ROBO2: variants seen among roughly 807,000 people sequenced by gnomAD.
ROBO2 encodes roundabout guidance receptor 2, also known as roundabout homolog 2.
In ROBO2, 53 loss-of-function variants were observed where a neutral mutation model predicts 160.8. The observed-to-expected ratio is 0.33, with a 90% CI of 0.26 to 0.41. The LOEUF (loss-of-function observed/expected upper bound fraction) is 0.41. Among genes scored for constraint, ROBO2 ranks in the 10% least tolerant of loss-of-function variants. ROBO2 has a pLI of 1.00. For synonymous variants in ROBO2, 664 were observed against 611.7 expected, an observed-to-expected ratio of 1.09 and a Z score of -1.26; for missense variants, 1,577 against 1,722.4, an observed-to-expected ratio of 0.92 and a Z score of 1.49.
At chr3:76,310,425 C>T (rs1308787895) in intron 2 of ROBO2, among the ~76,000 whole-genome samples, 1 of 152,022 alleles carries the variant, frequency 6.6e-6, no homozygotes, top group Non-Finnish European at 1.5e-5. Flanking sequence ...ACAGGAACGC[C>T]GAAATAAACT....
intron 2 of ROBO2, among the ~76,000 whole-genome samples, chr3:75,962,983 T>C (rs1395715599): frequency 6.6e-6 from 1 of 151,806 alleles, no homozygotes; most frequent in East Asian, 2.0e-4. Flanking sequence ...CCTTCAGGTC[T>C]TTCACCTGAG....
intron 2 of ROBO2, among the ~76,000 whole-genome samples, chr3:76,097,781 C>A (rs992528611): frequency 1.3e-5 from 2 of 152,034 alleles, no homozygotes; most frequent in African/African-American, 4.8e-5. Context: ...GTTTTGCTTC[C>A]CCACTTTTTC....
chr3:77,025,114 A>G (rs1270821785), intron 2 of ROBO2, among the ~76,000 whole-genome samples: 1 of 152,180 alleles, frequency 6.6e-6, no homozygotes, highest in Non-Finnish European at 1.5e-5. Context: ...GGTGAGGTCT[A>G]AGGGAAGTCA....
intron 2 of ROBO2, among the ~76,000 whole-genome samples, chr3:77,253,539 C>T (rs545098016): frequency 3.9e-5 from 6 of 152,166 alleles, no homozygotes; most frequent in African/African-American, 1.4e-4. Context: ...GTGTCTGTCC[C>T]AATGTGAAAC....
chr3:77,316,404 G>A (rs575261125), intron 2 of ROBO2, among the ~76,000 whole-genome samples: 3 of 152,198 alleles, frequency 2.0e-5, no homozygotes, highest in East Asian at 1.9e-4. Flanking sequence ...ACCAAGGTTC[G>A]ATTCTCAGGA....
At chr3:77,186,145 C>T (rs994855948) in intron 2 of ROBO2, among the ~76,000 whole-genome samples, 16 of 151,710 alleles carry the variant, frequency 1.1e-4, no homozygotes, top group Non-Finnish European at 2.2e-4. Flanking sequence ...GCTCATGTAA[C>T]CGAACACCAT....
chr3:77,570,041 TGCCTTTTCTATCTTTCAGTACCCTTGA>T (rs1046887946), intron 13 of ROBO2, among the ~76,000 whole-genome samples: 7 of 152,004 alleles, frequency 4.6e-5, no homozygotes, highest in Admixed American at 1.3e-4. Context: ...TTATCTGCCA[TGCCTTTTCTATCTTTCAGTACCCTTGA>T]GTAGATACAA....
chr3:77,375,863 A>C (rs1029593826), intron 2 of ROBO2, among the ~76,000 whole-genome samples: 2 of 149,304 alleles, frequency 1.3e-5, no homozygotes, highest in African/African-American at 4.8e-5. Flanking sequence ...AATAGTACTG[A>C]AGTGCTCAGT....
intron 1 of ROBO2, among the ~76,000 whole-genome samples, chr3:75,908,908 T>G (rs1946454462): frequency 6.6e-6 from 1 of 152,206 alleles, no homozygotes; most frequent in Non-Finnish European, 1.5e-5. Context: ...AGGCCACATT[T>G]AGCTGTGTTT....
At chr3:77,039,941 G>T (rs1054890461) in exon 1 of ROBO2, 13 of 228,568 alleles carry the variant, frequency 5.7e-5, no homozygotes, top group Non-Finnish European at 8.7e-5. Flanking sequence ...TCTCCGCCGC[G>T]CCCGGGCTGG....
chr3:76,524,963 A>G (rs1300769883), intron 2 of ROBO2, among the ~76,000 whole-genome samples: 2 of 151,560 alleles, frequency 1.3e-5, no homozygotes, highest in African/African-American at 4.8e-5. Context: ...GCAATTTACA[A>G]TAAGGAAAGC....
chr3:76,905,023 A>G (rs1401689858), intron 2 of ROBO2, among the ~76,000 whole-genome samples: 1 of 152,152 alleles, frequency 6.6e-6, no homozygotes, highest in African/African-American at 2.4e-5. Context: ...CTACCTCCAA[A>G]CTTTTTCTTT....
rs114478856 is a variant in ROBO2, at chr3:76,712,130, C to G, written c.110-385884C>G. 2.6e-3 allele frequency among the ~76,000 whole-genome samples: 401 copies of G among 152,230 alleles called. 2 individuals are homozygous for G. Among genetic ancestry groups the G allele is most frequent in the African/African-American group, 9.3e-3 (385 of 41,542 alleles). On this transcript the variant is annotated intron_variant, in intron 2 of 26. Coordinates refer to the ROBO2 transcript ENST00000487694. Reference sequence around the variant, plus strand: ...TAAGAAAACACTTCTGTTTTTGCCTCTCATACCCTGAAAAATCTAACACAT... The same window carrying G: ...TAAGAAAACACTTCTGTTTTTGCCTGTCATACCCTGAAAAATCTAACACAT...
chr3:76,055,625 G>A (rs2107839727), intron 2 of ROBO2, among the ~76,000 whole-genome samples: 1 of 152,148 alleles, frequency 6.6e-6, no homozygotes, highest in East Asian at 1.9e-4. Context: ...TGTTCACTTA[G>A]GATTATAGCC....
chr3:77,427,525 T>C (rs146757379), intron 2 of ROBO2, among the ~76,000 whole-genome samples: 1 of 152,300 alleles, frequency 6.6e-6, no homozygotes, highest in African/African-American at 2.4e-5. Flanking sequence ...ATTTGTTGTT[T>C]GGGATGAGTG....
chr3:76,626,408 A>G (rs1007780617), intron 2 of ROBO2, among the ~76,000 whole-genome samples: 3 of 152,174 alleles, frequency 2.0e-5, no homozygotes, highest in African/African-American at 7.2e-5. Context: ...AGAGCAAAAC[A>G]GAGATGAGTT....
chr3:77,475,011 T>C (rs2083823541), intron 2 of ROBO2, among the ~76,000 whole-genome samples: 1 of 152,158 alleles, frequency 6.6e-6, no homozygotes, highest in Non-Finnish European at 1.5e-5. Flanking sequence ...CTCCTTTTTC[T>C]AAAAATAAGT....
At chr3:77,497,312 T>G (rs1289960200) in intron 5 of ROBO2, among the ~76,000 whole-genome samples, 1 of 151,874 alleles carries the variant, frequency 6.6e-6, no homozygotes, top group African/African-American at 2.4e-5. Context: ...ATAAAGTGAG[T>G]AGGAGGAACA....
At chr3:76,402,309 A>T (rs2077875954) in intron 2 of ROBO2, among the ~76,000 whole-genome samples, 2 of 151,568 alleles carry the variant, frequency 1.3e-5, no homozygotes, top group South Asian at 4.1e-4. Flanking sequence ...TGATCCACAC[A>T]CATAACTTGG....
Sources: allele counts gnomAD v4.1 joint callset (sites outside exome capture counted in the v4.1 genomes callset), GRCh38; gene constraint gnomAD v4.1.1; transcripts MANE v1.5; gene names NCBI Gene and HGNC (gene_info 2026-07-23, HGNC 2026-07-21).